The following RALYL variants were observed in gnomAD, a reference collection of about 807,000 sequenced individuals.
RALYL encodes the protein RALY RNA binding protein like.
RALYL carries 29 observed loss-of-function variants against 35.1 expected under a neutral mutation model. The observed-to-expected ratio is 0.83, with a 90% confidence interval of 0.61 to 1.13. RALYL has a LOEUF of 1.13. RALYL is among the 50% of genes most tolerant of loss of function. The pLI is 0.00. For missense variants in RALYL, 359 were observed against 360.4 expected (o/e 1.00, Z 0.03); for synonymous variants, 120 against 127.6 (o/e 0.94, Z 0.40).
intron 2 of RALYL, among the ~76,000 whole-genome samples, chr8:84,564,413 C>G (rs1159335727): frequency 6.6e-6 from 1 of 151,658 alleles, no homozygotes; most frequent in Non-Finnish European, 1.5e-5. Context: ...AAGCTTCACC[C>G]TGCATTTTCA....
intron 1 of RALYL, among the ~76,000 whole-genome samples, chr8:84,213,485 T>C (rs148615365): frequency 7.2e-5 from 11 of 152,346 alleles, no homozygotes; most frequent in African/African-American, 2.4e-4. Context: ...GTTTGTTTTA[T>C]GTTTAATTAT....
chr8:84,620,134 T>C (rs1470764229), intron 2 of RALYL, among the ~76,000 whole-genome samples: 39 of 152,262 alleles, frequency 2.6e-4, no homozygotes, highest in Non-Finnish European at 5.1e-4. Context: ...AATCTGAATG[T>C]TGGCCTGCCT....
At chr8:84,699,560 G>T (rs1028434441) in intron 2 of RALYL, among the ~76,000 whole-genome samples, 1 of 151,956 alleles carries the variant, frequency 6.6e-6, no homozygotes, top group Non-Finnish European at 1.5e-5. Context: ...ATCTCTCTGG[G>T]GTCTTTTTAA....
chr8:84,531,642 C>G (rs2059281987), intron 2 of RALYL, among the ~76,000 whole-genome samples: 1 of 152,064 alleles, frequency 6.6e-6, no homozygotes, highest in Non-Finnish European at 1.5e-5. Context: ...GCTCTATTTA[C>G]TGTCTGTATC....
chr8:84,228,699 A>G (rs1824571603), intron 1 of RALYL, among the ~76,000 whole-genome samples: 1 of 152,196 alleles, frequency 6.6e-6, no homozygotes, highest in Non-Finnish European at 1.5e-5. Flanking sequence ...TGGGTAATTC[A>G]TAAAGAAAAG....
At chr8:84,589,077 T>A (rs1182137328) in intron 2 of RALYL, among the ~76,000 whole-genome samples, 1 of 152,056 alleles carries the variant, frequency 6.6e-6, no homozygotes, top group Non-Finnish European at 1.5e-5. Flanking sequence ...TTTGTATTTT[T>A]AGTAGAGATG....
intron 2 of RALYL, among the ~76,000 whole-genome samples, chr8:84,738,594 A>G (rs1385098664): frequency 1.3e-5 from 2 of 152,022 alleles, no homozygotes; most frequent in African/African-American, 2.4e-5. Flanking sequence ...CATAATTGAT[A>G]TTGCCTCTGC....
intron 2 of RALYL, among the ~76,000 whole-genome samples, chr8:84,575,799 G>A (rs1809251404): frequency 6.6e-6 from 1 of 152,094 alleles, no homozygotes; most frequent in African/African-American, 2.4e-5. Flanking sequence ...GTGATTGAAG[G>A]CAGTTCTAGC....
chr8:84,272,392 C>A (rs188685875), intron 1 of RALYL, among the ~76,000 whole-genome samples: 229 of 152,052 alleles, frequency 1.5e-3, no homozygotes, highest in African/African-American at 5.3e-3. Context: ...CCGCACCTGG[C>A]CAAGTGTGTA....
At chr8:84,664,262 GATTTT>G (rs1317224498) in intron 2 of RALYL, among the ~76,000 whole-genome samples, 3 of 43,066 alleles carry the variant, frequency 7.0e-5, no homozygotes, top group Non-Finnish European at 1.3e-4. Flanking sequence ...GATGCCTCTA[GATTTT>G]TTTTTTTTTT....
intron 1 of RALYL, among the ~76,000 whole-genome samples, chr8:84,187,659 G>T (rs1210864571): frequency 6.6e-6 from 1 of 151,990 alleles, no homozygotes; most frequent in Non-Finnish European, 1.5e-5. Flanking sequence ...AATAAATGAT[G>T]CCTTAAGAAT....
chr8:84,492,615 C>T (rs1211918717), intron 1 of RALYL, among the ~76,000 whole-genome samples: 1 of 152,008 alleles, frequency 6.6e-6, no homozygotes, highest in African/African-American at 2.4e-5. Flanking sequence ...GTTAAAATCC[C>T]TTCTTTTTCA....
intron 1 of RALYL, among the ~76,000 whole-genome samples, chr8:84,475,872 A>G (rs2053344324): frequency 6.6e-6 from 1 of 152,198 alleles, no homozygotes; most frequent in Admixed American, 6.5e-5. Flanking sequence ...GATATATAAA[A>G]ATACTATTTC....
chr8:84,625,296 T>C (rs1440522949), intron 2 of RALYL, among the ~76,000 whole-genome samples: 1 of 152,176 alleles, frequency 6.6e-6, no homozygotes, highest in Non-Finnish European at 1.5e-5. Flanking sequence ...ATAGTAATTA[T>C]AGGATGCAAT....
At chr8:84,878,584 AG>A (rs1841620616) in intron 7 of RALYL, among the ~76,000 whole-genome samples, 1 of 145,652 alleles carries the variant, frequency 6.9e-6, no homozygotes, top group South Asian at 2.3e-4. Context: ...AAACATATAC[AG>A]GAAGAATAAA....
At chr8:84,250,332 G>A (rs998215767) in intron 1 of RALYL, among the ~76,000 whole-genome samples, 2 of 151,918 alleles carry the variant, frequency 1.3e-5, no homozygotes, top group African/African-American at 4.8e-5. Context: ...TTGAAATGCA[G>A]TCCAGAGATG....
At chr8:84,186,678 CAG>C (rs1812610847) in intron 1 of RALYL, among the ~76,000 whole-genome samples, 1 of 152,126 alleles carries the variant, frequency 6.6e-6, no homozygotes, top group Non-Finnish European at 1.5e-5. Context: ...AATGTGAGGA[CAG>C]AGAGGTAGTT....
chr8:84,523,663 C>A, intron 1 of RALYL, among the ~76,000 whole-genome samples: 2 of 109,328 alleles, frequency 1.8e-5, no homozygotes, highest in Non-Finnish European at 3.6e-5. Context: ...TATCCCTCCC[C>A]CCTCCCCCCA....
intron 2 of RALYL, among the ~76,000 whole-genome samples, chr8:84,672,840 G>T (rs928793348): frequency 6.6e-6 from 1 of 152,184 alleles, no homozygotes; most frequent in Non-Finnish European, 1.5e-5. Context: ...GGGAGCTACA[G>T]TTCAAGAGGA....
Sources: gnomAD v4.1 joint callset for allele counts (sites outside exome capture counted in the v4.1 genomes callset) on GRCh38, gnomAD v4.1.1 for gene constraint, MANE v1.5 for transcripts, NCBI Gene and HGNC (gene_info 2026-07-23, HGNC 2026-07-21) for gene names.